The following CCDC102B variants were observed in gnomAD, a reference collection of about 807,000 sequenced individuals.
CCDC102B encodes coiled-coil domain containing 102B.
A neutral mutation model predicts 57.4 loss-of-function variants in CCDC102B; 75 were observed. The ratio of observed to expected loss-of-function variants is 1.31; its 90% CI spans 1.08 to 1.58. The LOEUF (loss-of-function observed/expected upper bound fraction) is 1.58, where lower values mean the gene tolerates loss of function less well. Ranked by LOEUF, CCDC102B falls within the 40% of genes most tolerant of loss-of-function variation. CCDC102B has a pLI of 0.00. For missense variants in CCDC102B, 636 were observed against 582.6 expected (o/e 1.09, Z -0.94); for synonymous variants, 206 against 201.9 (o/e 1.02, Z -0.17).
At chr18:68,842,007 A>G (rs144968094) in intron 3 of CCDC102B, among the ~76,000 whole-genome samples, 2,435 of 152,110 alleles carry the variant, frequency 0.016, 67 homozygotes, top group African/African-American at 0.056. Context: ...CCAAAGTGCT[A>G]GGATTACAGG....
chr18:68,820,807 T>C (rs1289678243), intron 1 of CCDC102B, among the ~76,000 whole-genome samples: 4 of 152,262 alleles, frequency 2.6e-5, no homozygotes, highest in Admixed American at 6.5e-5. Context: ...CTTATCCACA[T>C]TGAGCTCACA....
At chr18:68,764,306 C>T (rs543398137) in intron 2 of CCDC102B, among the ~76,000 whole-genome samples, 1 of 152,236 alleles carries the variant, frequency 6.6e-6, no homozygotes, top group South Asian at 2.1e-4. Context: ...CATTGCATGG[C>T]GACTCACAGT....
chr18:68,790,108 C>A (rs1249094329), intron 2 of CCDC102B, among the ~76,000 whole-genome samples: 1 of 149,354 alleles, frequency 6.7e-6, no homozygotes, highest in East Asian at 2.0e-4. Context: ...GTCAGTCTGC[C>A]CCTGCTGGGG....
intron 2 of CCDC102B, among the ~76,000 whole-genome samples, chr18:68,765,770 A>G (rs999682812): frequency 2.0e-5 from 3 of 152,178 alleles, no homozygotes; most frequent in Admixed American, 6.5e-5. Flanking sequence ...TTAATATTCT[A>G]TCAACCATAT....
chr18:68,974,778 A>G (rs979664966), intron 6 of CCDC102B, among the ~76,000 whole-genome samples: 3 of 151,970 alleles, frequency 2.0e-5, no homozygotes, highest in Non-Finnish European at 4.4e-5. Context: ...TTATAATAAA[A>G]AAGTGAAGAG....
At chr18:68,864,785 A>ATCT (rs2038904231) in intron 4 of CCDC102B, among the ~76,000 whole-genome samples, 1 of 152,104 alleles carries the variant, frequency 6.6e-6, no homozygotes, top group Non-Finnish European at 1.5e-5. Flanking sequence ...TACTGAATGT[A>ATCT]GAAACATTTT....
At chr18:68,800,862 CTTAT>C (rs1182737344) in intron 1 of CCDC102B, among the ~76,000 whole-genome samples, 1 of 152,050 alleles carries the variant, frequency 6.6e-6, no homozygotes, top group Non-Finnish European at 1.5e-5. Flanking sequence ...AAGAATAGAA[CTTAT>C]TTATTAACAT....
At chr18:68,781,307 A>G (rs2035000735) in intron 2 of CCDC102B, among the ~76,000 whole-genome samples, 1 of 146,548 alleles carries the variant, frequency 6.8e-6, no homozygotes. Context: ...AAGTTCTCAG[A>G]AAATTAATAA....
At chr18:69,021,508 A>G (rs7226708) in intron 7 of CCDC102B, among the ~76,000 whole-genome samples, 3 of 152,224 alleles carry the variant, frequency 2.0e-5, no homozygotes, top group African/African-American at 7.2e-5. Flanking sequence ...CCTAACCTCT[A>G]TATTAGGTGT....
chr18:68,960,497 C>T lies in CCDC102B; in HGVS notation c.1264-50437C>T, dbSNP rs150176529. Among the ~76,000 whole-genome samples the T allele has an allele frequency of 5.9e-3, 905 of 152,244 alleles. 13 individuals are homozygous for T. The highest frequency in any genetic ancestry group is 0.021 in the African/African-American group (855 of 41,538). ...GGTTGGGGAAGGAGTGACACAAGCACTCCCTTAGTTATCCCAGTGGCGTTT... is the reference window on the plus strand; with the variant it reads ...GGTTGGGGAAGGAGTGACACAAGCATTCCCTTAGTTATCCCAGTGGCGTTT... On this transcript the variant is annotated intron_variant, in intron 6 of 7. Transcript: ENST00000360242.
rs2049501842 is a variant in CCDC102B, at chr18:68,945,146, A to ACACACACACACACACT, written c.1263+47721_1263+47722insACACACACACACTCAC. ...TCCACACACACACACACACACACAC[A>ACACACACACACACACT]CACTCATCTAGCTATCACCCCACAG... On this transcript the variant is annotated intron_variant, in intron 6 of 7. Transcript: ENST00000360242. Among the ~76,000 whole-genome samples the ACACACACACACACACT allele has an allele frequency of 2.0e-5, 3 of 151,500 alleles. No individual in the cohort carries two copies. The South Asian group carries it at 6.3e-4, about 32-fold the overall frequency.
chr18:69,005,345 TA>T (rs1269004379), intron 6 of CCDC102B, among the ~76,000 whole-genome samples: 1 of 152,192 alleles, frequency 6.6e-6, no homozygotes, highest in Non-Finnish European at 1.5e-5. Flanking sequence ...TGTTATATGG[TA>T]AATCGTATGT....
chr18:69,028,806 G>A (rs76109319), intron 7 of CCDC102B, among the ~76,000 whole-genome samples: 3,174 of 148,412 alleles, frequency 0.021, 112 homozygotes, highest in East Asian at 0.15. Context: ...AAGCAGCCCA[G>A]AATATTCTAA....
At chr18:69,022,219 AT>A (rs2051858458) in intron 7 of CCDC102B, among the ~76,000 whole-genome samples, 1 of 63,982 alleles carries the variant, frequency 1.6e-5, no homozygotes, top group Non-Finnish European at 3.5e-5. Context: ...ATATATATAT[AT>A]ATAACACACA....
intron 6 of CCDC102B, among the ~76,000 whole-genome samples, chr18:68,955,734 G>C (rs2145208153): frequency 6.6e-6 from 1 of 151,734 alleles, no homozygotes; most frequent in East Asian, 1.9e-4. Context: ...ATTTATGTAT[G>C]ATAAATTATC....
intron 4 of CCDC102B, among the ~76,000 whole-genome samples, chr18:68,852,589 T>C (rs2038180854): frequency 6.6e-6 from 1 of 152,192 alleles, no homozygotes; most frequent in Non-Finnish European, 1.5e-5. Flanking sequence ...AATTCAAATT[T>C]TGCTTTTCAG....
intron 7 of CCDC102B, among the ~76,000 whole-genome samples, chr18:69,018,988 A>T (rs1359874173): frequency 6.6e-6 from 1 of 152,062 alleles, no homozygotes; most frequent in Non-Finnish European, 1.5e-5. Context: ...TTGTTGAAGG[A>T]ACTGTCATTT....
At chr18:68,868,779 A>G (rs753380733) in intron 4 of CCDC102B, among the ~76,000 whole-genome samples, 3 of 152,230 alleles carry the variant, frequency 2.0e-5, no homozygotes, top group Non-Finnish European at 2.9e-5. Flanking sequence ...ACCAAGGTCA[A>G]TATGATCACA....
chr18:68,777,126 A>G (rs1015514632), intron 2 of CCDC102B, among the ~76,000 whole-genome samples: 8 of 152,232 alleles, frequency 5.3e-5, no homozygotes, highest in Non-Finnish European at 1.0e-4. Flanking sequence ...TTGATTAAGC[A>G]GGTAGCATGA....
Sources: allele counts gnomAD v4.1 joint callset (sites outside exome capture counted in the v4.1 genomes callset), GRCh38; gene constraint gnomAD v4.1.1; transcripts MANE v1.5; gene names NCBI Gene and HGNC (gene_info 2026-07-23, HGNC 2026-07-21).